The following KCNQ1 variants were observed in gnomAD, a reference collection of about 807,000 sequenced individuals.
KCNQ1 encodes potassium voltage-gated channel subfamily KQT member 1.
In KCNQ1, 49 loss-of-function variants were observed where a neutral mutation model predicts 72.4. The observed-to-expected ratio is 0.68, with a 90% CI of 0.54 to 0.86. The LOEUF is 0.86. KCNQ1 is among the 40% of genes least tolerant of loss of function. KCNQ1 has a pLI of 0.00. For synonymous variants in KCNQ1, 450 were observed against 412.6 expected, an observed-to-expected ratio of 1.09 and a Z score of -1.10; for missense variants, 790 against 945.1, an observed-to-expected ratio of 0.84 and a Z score of 2.15.
chr11:2,797,368 G>C (rs1386717128), intron 15 of KCNQ1, among the ~76,000 whole-genome samples: 5 of 152,242 alleles, frequency 3.3e-5, no homozygotes, highest in Non-Finnish European at 5.9e-5. Flanking sequence ...GCAGCCAGAG[G>C]TGTGCCTGAC....
rs2283162 is a variant in KCNQ1, at chr11:2,550,141, T to A, written c.478-20487T>A. Reference sequence around the variant, plus strand: ...AGAGTTGTCTGTAGAGAACCAGAGCTGCCGAGCCCCGGCCTGGATGGACAT... The same window carrying A: ...AGAGTTGTCTGTAGAGAACCAGAGCAGCCGAGCCCCGGCCTGGATGGACAT... On this transcript the variant is annotated intron_variant, in intron 2 of 15. Transcript: ENST00000155840. The surrounding 1 kb of genome is among the most constrained non-coding windows in gnomAD (Gnocchi z 6.0). 6.6e-6 allele frequency among the ~76,000 whole-genome samples: 1 copy of A among 152,048 alleles called. No individual in the cohort carries two copies. The highest frequency in any genetic ancestry group is 2.1e-4 in the South Asian group (1 of 4,834).
chr11:2,655,893 A>G, intron 10 of KCNQ1: 1 of 398,712 alleles, frequency 2.5e-6, no homozygotes, highest in Non-Finnish European at 4.4e-6. Flanking sequence ...CCCTTGTTAT[A>G]GGGGCCCCAT....
rs117435185 is a variant in KCNQ1 at position 2,617,269 on chromosome 11, A to C, written c.1393+28415A>C. ...CCCATGGTAACCACTAGTTTATTCTATCTCTGTATATTTGACTTTTTTCTT... is the reference window on the plus strand; with the variant it reads ...CCCATGGTAACCACTAGTTTATTCTCTCTCTGTATATTTGACTTTTTTCTT... On this transcript the variant is annotated intron_variant, in intron 10 of 15. Coordinates refer to ENST00000155840, the MANE Select transcript of KCNQ1 (RefSeq NM_000218.3). This position sits in a 1 kb window ranked among gnomAD's most constrained non-coding sequence, Gnocchi z 4.6. 0.016 allele frequency: 6,569 copies of C among 398,284 alleles called. 284 individuals are homozygous for C. Among genetic ancestry groups the C allele is most frequent in the East Asian group, 0.11 (3,072 of 28,048 alleles). The allele number at this position is 398,284 out of a possible 1,614,324, so 24.7% of individuals were successfully genotyped here. A position where few individuals can be genotyped will look rare whatever the true frequency, so the allele number is the denominator to read the frequency against.
intron 15 of KCNQ1, among the ~76,000 whole-genome samples, chr11:2,807,863 C>G (rs1172093418): frequency 6.6e-6 from 1 of 152,234 alleles, no homozygotes; most frequent in Non-Finnish European, 1.5e-5. Context: ...CGGTCACCAA[C>G]TTGAGGCTGC....
intron 10 of KCNQ1, chr11:2,618,109 A>G (rs1043680861): frequency 2.5e-6 from 1 of 398,348 alleles, no homozygotes; most frequent in African/African-American, 2.1e-5. Context: ...TGCCAGAGCC[A>G]TGTCGAGCTT....
At chr11:2,554,338 G>A (rs920644522) in intron 2 of KCNQ1, among the ~76,000 whole-genome samples, 1 of 152,232 alleles carries the variant, frequency 6.6e-6, no homozygotes, top group Non-Finnish European at 1.5e-5. Context: ...TATGCAGGTT[G>A]TCTATTTCTT....
At chr11:2,797,822 G>A (rs1847169472) in intron 15 of KCNQ1, among the ~76,000 whole-genome samples, 1 of 152,036 alleles carries the variant, frequency 6.6e-6, no homozygotes, top group African/African-American at 2.4e-5. Context: ...CAGCTTGAGT[G>A]TCCCATCCTG....
At position 2,670,184 on chromosome 11, in the gene KCNQ1, T is replaced by C. The variant is rs1423115145; in HGVS notation, c.1514+8103T>C. 1 of 398,632 alleles carries C rather than the reference T, an allele frequency of 2.5e-6. No homozygotes were observed. The highest frequency in any genetic ancestry group is 4.4e-6 in the Non-Finnish European group (1 of 226,086). The allele number at this position is 398,632 out of a possible 1,614,324, so 24.7% of individuals were successfully genotyped here. On this transcript the variant is annotated intron_variant, in intron 11 of 15. Transcript: ENST00000155840. This position sits in a 1 kb window ranked among gnomAD's most constrained non-coding sequence, Gnocchi z 4.9. ...CATCTGCCAAGGCAAGCACCCACAT[T>C]AAAGCAGAGTGAAGAGCAGGGCGAG...
rs545049045 is a variant in KCNQ1, at chr11:2,660,096, C to T, written c.1394-1865C>T. ...CTCTTACGAGTTAAACTTTTGGTTT[C>T]GTATTTCAGAATTCACTGCCAAATC... On this transcript the variant is annotated intron_variant, in intron 10 of 15. Transcript: ENST00000155840. The T allele has an allele frequency of 1.0e-3, 399 of 393,168 alleles. No individual in the cohort carries two copies. Among genetic ancestry groups the T allele is most frequent in the Non-Finnish European group, 1.5e-3 (332 of 221,842 alleles). The allele number at this position is 393,168 out of a possible 1,614,324, so 24.4% of individuals were successfully genotyped here. A position where few individuals can be genotyped will look rare whatever the true frequency, so the allele number is the denominator to read the frequency against.
chr11:2,815,609 T>C lies in KCNQ1; in HGVS notation c.1795-32158T>C, dbSNP rs552092094. 1.3e-5 allele frequency among the ~76,000 whole-genome samples: 2 copies of C among 152,160 alleles called. No homozygotes were observed. Among genetic ancestry groups the C allele is most frequent in the Non-Finnish European group, 2.9e-5 (2 of 68,024 alleles). On this transcript the variant is annotated intron_variant, in intron 15 of 15. Coordinates refer to ENST00000155840, the MANE Select transcript of KCNQ1 (RefSeq NM_000218.3). This position sits in a 1 kb window ranked among gnomAD's most constrained non-coding sequence, Gnocchi z 5.4. ...CCCAAGAAAGATGAGGCACCCAGGA[T>C]GCCTGACAGTAGAGTTGCAGGGGGG...
rs1589930963 is a variant in KCNQ1, at chr11:2,527,785, C to T, written c.387-143C>T. The T allele has an allele frequency of 4.1e-6, 3 of 730,258 alleles. No homozygotes were observed. In the East Asian group the frequency reaches 7.9e-5, roughly 19 times the overall value. The allele number at this position is 730,258 out of a possible 1,614,324, so 45.2% of individuals were successfully genotyped here. A position where few individuals can be genotyped will look rare whatever the true frequency, so the allele number is the denominator to read the frequency against. ...GGACCTACCTCTAGTGTGTGCTTAC[C>T]AGCTAATGGATGACTGGGTTTTCGA... On this transcript the variant is annotated intron_variant, in intron 1 of 15. Coordinates refer to ENST00000155840, the MANE Select transcript of KCNQ1 (RefSeq NM_000218.3).
Position 2,817,974 on chromosome 11 carries a change from A to C in KCNQ1, c.1795-29793A>C, listed in dbSNP as rs1000670074. Among the ~76,000 whole-genome samples, 1 of 152,156 alleles carries C rather than the reference A, an allele frequency of 6.6e-6. No individual in the cohort carries two copies. The highest frequency in any genetic ancestry group is 2.4e-5 in the African/African-American group (1 of 41,426). ...AAAACTAACTTCGTATAACCCAACTATTCCCAAACTCTATCTACAAAATAT... is the reference window on the plus strand; with the variant it reads ...AAAACTAACTTCGTATAACCCAACTCTTCCCAAACTCTATCTACAAAATAT... On this transcript the variant is annotated intron_variant, in intron 15 of 15. Coordinates refer to ENST00000155840, the MANE Select transcript of KCNQ1 (RefSeq NM_000218.3). The surrounding 1 kb of genome is among the most constrained non-coding windows in gnomAD (Gnocchi z 6.1).
rs565344180 is a variant in KCNQ1 at position 2,695,467 on chromosome 11, C to T, written c.1514+33386C>T. 3.8e-5 allele frequency: 15 copies of T among 398,632 alleles called. No homozygotes were observed. Among genetic ancestry groups the T allele is most frequent in the Middle Eastern group, 6.3e-4 (1 of 1,588 alleles). 24.7% of individuals were successfully genotyped at this position (398,632 alleles called of 1,614,324 possible). ...TGTGTCACTCAGCACTGTGTTTCCA[C>T]GCGTCTCTATCTTGTGAAGTGTACA... On this transcript the variant is annotated intron_variant, in intron 11 of 15. Transcript: ENST00000155840. The surrounding 1 kb of genome is among the most constrained non-coding windows in gnomAD (Gnocchi z 5.2).
rs1849282567 is a variant in KCNQ1, at chr11:2,627,645, GA to G, written c.1394-34315del. On this transcript the variant is annotated intron_variant, in intron 10 of 15. Transcript: ENST00000155840. This position sits in a 1 kb window ranked among gnomAD's most constrained non-coding sequence, Gnocchi z 4.9. ...TTGCATGATTTCCTGCTTTTTAAAG[GA>G]TGAATATTTCATTGTGTGTGTGTAT... The G allele has an allele frequency of 2.5e-6, 1 of 398,312 alleles. No homozygotes were observed. Among genetic ancestry groups the G allele is most frequent in the East Asian group, 3.6e-5 (1 of 28,082 alleles). The allele number at this position is 398,312 out of a possible 1,614,324, so 24.7% of individuals were successfully genotyped here.
chr11:2,612,711 G>A lies in KCNQ1; in HGVS notation c.1393+23857G>A, dbSNP rs193229278. Reference sequence around the variant, plus strand: ...TAGTTATAATACTTACTTTGAAATCGCGCCCTAACATTTGGGGCCCTTCAG... The same window carrying A: ...TAGTTATAATACTTACTTTGAAATCACGCCCTAACATTTGGGGCCCTTCAG... On this transcript the variant is annotated intron_variant, in intron 10 of 15. Coordinates refer to ENST00000155840, the MANE Select transcript of KCNQ1 (RefSeq NM_000218.3). This position sits in a 1 kb window ranked among gnomAD's most constrained non-coding sequence, Gnocchi z 5.5. 6.1e-4 allele frequency: 241 copies of A among 398,314 alleles called. No homozygotes were observed. Among genetic ancestry groups the A allele is most frequent in the Admixed American group, 7.9e-4 (18 of 22,722 alleles). 24.7% of individuals were successfully genotyped at this position (398,314 alleles called of 1,614,324 possible).
chr11:2,493,103 AC>A lies in KCNQ1; in HGVS notation c.387-34823del, dbSNP rs1415378945. Among the ~76,000 whole-genome samples the A allele has an allele frequency of 4.6e-5, 7 of 152,274 alleles. No individual in the cohort carries two copies. The highest frequency in any genetic ancestry group is 1.7e-4 in the African/African-American group (7 of 41,544). ...GGTTTTGATTTGCATTTCTCTGATG[AC>A]CAGTAATGATTAGCTTTTTTTTCCA... On this transcript the variant is annotated intron_variant, in intron 1 of 15. Transcript: ENST00000155840. This position sits in a 1 kb window ranked among gnomAD's most constrained non-coding sequence, Gnocchi z 5.3.
chr11:2,682,055 C>T lies in KCNQ1; in HGVS notation c.1514+19974C>T, dbSNP rs1426852068. 11 of 398,454 alleles carry T rather than the reference C, an allele frequency of 2.8e-5. No homozygotes were observed. In the East Asian group the frequency reaches 3.2e-4, roughly 12 times the overall value. 24.7% of individuals were successfully genotyped at this position (398,454 alleles called of 1,614,324 possible). A position where few individuals can be genotyped will look rare whatever the true frequency, so the allele number is the denominator to read the frequency against. On this transcript the variant is annotated intron_variant, in intron 11 of 15. Transcript: ENST00000155840. The surrounding 1 kb of genome is among the most constrained non-coding windows in gnomAD (Gnocchi z 5.8). ...ATCACTCCTGTTTTATAGATAATCT[C>T]CTAAGGGTTGAGGGATTGAGTCTAG...
rs770765063 is a variant in KCNQ1, at chr11:2,481,983, C to G, written c.386+36499C>G. Among the ~76,000 whole-genome samples, 3 of 152,218 alleles carry G rather than the reference C, an allele frequency of 2.0e-5. No individual in the cohort carries two copies. Among genetic ancestry groups the G allele is most frequent in the Non-Finnish European group, 4.4e-5 (3 of 68,050 alleles). ...TGTGGAAAAACTGTTTTCCATGAAA[C>G]CAGTCACTGGTCCCAAAAAGGTTGG... On this transcript the variant is annotated intron_variant, in intron 1 of 15. Transcript: ENST00000155840. This position sits in a 1 kb window ranked among gnomAD's most constrained non-coding sequence, Gnocchi z 4.6.
intron 1 of KCNQ1, among the ~76,000 whole-genome samples, chr11:2,465,261 C>T (rs549989305): frequency 2.0e-4 from 31 of 152,326 alleles, no homozygotes; most frequent in Admixed American, 1.4e-3. Flanking sequence ...TGGGCTCAAG[C>T]TGGCACCGTG....
Sources: allele counts gnomAD v4.1 joint callset (sites outside exome capture counted in the v4.1 genomes callset), GRCh38; gene constraint gnomAD v4.1.1; non-coding constraint Gnocchi (gnomAD v3.1); transcripts MANE v1.5; gene names NCBI Gene and HGNC (gene_info 2026-07-23, HGNC 2026-07-21).